DAB1: variants seen among roughly 807,000 people sequenced by gnomAD.
The protein encoded by DAB1 is DAB adaptor protein 1.
A neutral mutation model predicts 64.6 loss-of-function variants in DAB1; 15 were observed. The ratio of observed to expected loss-of-function variants is 0.23; its 90% CI spans 0.16 to 0.36. The LOEUF (loss-of-function observed/expected upper bound fraction) is 0.36. Ranked by LOEUF, DAB1 falls within the 10% of genes least tolerant of loss-of-function variation. DAB1 has a pLI of 1.00. For synonymous variants in DAB1, 235 were observed against 251.9 expected (o/e 0.93, Z 0.64); for missense variants, 596 against 706.7 (o/e 0.84, Z 1.78).
intron 4 of DAB1, among the ~76,000 whole-genome samples, chr1:57,086,221 G>C (rs1653058330): frequency 6.6e-6 from 1 of 152,122 alleles, no homozygotes; most frequent in African/African-American, 2.4e-5. Context: ...GCTGCAAATA[G>C]AGTCCTTCTT....
intron 5 of DAB1, among the ~76,000 whole-genome samples, chr1:58,040,117 T>G (rs1353447142): frequency 6.6e-6 from 1 of 152,222 alleles, no homozygotes; most frequent in African/African-American, 2.4e-5. Flanking sequence ...AAGGAATTAA[T>G]TTCCATTTTA....
intron 7 of DAB1, among the ~76,000 whole-genome samples, chr1:57,485,415 T>A (rs111789181): frequency 9.9e-5 from 15 of 152,282 alleles, no homozygotes; most frequent in African/African-American, 3.6e-4. Context: ...TATCAGAAGG[T>A]TATTTGGAGG....
intron 1 of DAB1, among the ~76,000 whole-genome samples, chr1:57,400,296 A>T (rs1281505902): frequency 6.6e-6 from 1 of 152,210 alleles, no homozygotes; most frequent in Non-Finnish European, 1.5e-5. Context: ...AAAGAAAAAA[A>T]AACCAAAAGG....
intron 7 of DAB1, among the ~76,000 whole-genome samples, chr1:57,464,428 ACTAC>A (rs1686888428): frequency 6.6e-6 from 1 of 152,054 alleles, no homozygotes; most frequent in Admixed American, 6.6e-5. Context: ...TTCCTACTAC[ACTAC>A]CTCTCACAGC....
At position 58,062,874 on chromosome 1, in the gene DAB1, G is replaced by T. The variant is rs547717118; in HGVS notation, n.387+87637C>A. ...GAAATGTCAAGAAAGCACACAATGAGACAATTGCATGTGAACATGGATGAC... is the reference window on the plus strand; with the variant it reads ...GAAATGTCAAGAAAGCACACAATGATACAATTGCATGTGAACATGGATGAC... On this transcript the variant is annotated intron_variant and non_coding_transcript_variant, in intron 5 of 20. Coordinates refer to the DAB1 transcript ENST00000485760. 2.6e-5 allele frequency among the ~76,000 whole-genome samples: 4 copies of T among 152,362 alleles called. No individual in the cohort carries two copies. The South Asian group carries it at 8.3e-4, about 32-fold the overall frequency.
intron 1 of DAB1, among the ~76,000 whole-genome samples, chr1:57,366,035 A>C (rs1174333277): frequency 6.6e-6 from 1 of 152,206 alleles, no homozygotes; most frequent in Non-Finnish European, 1.5e-5. Context: ...AGCTAGGACT[A>C]TGCAAATTGG....
At chr1:57,194,384 T>C (rs1664443089) in intron 2 of DAB1, among the ~76,000 whole-genome samples, 1 of 152,198 alleles carries the variant, frequency 6.6e-6, no homozygotes, top group South Asian at 2.1e-4. Flanking sequence ...AGAACAGCCC[T>C]TGGCACGTGG....
chr1:57,521,828 G>A (rs570795962), intron 7 of DAB1, among the ~76,000 whole-genome samples: 4 of 152,208 alleles, frequency 2.6e-5, no homozygotes, highest in Admixed American at 6.5e-5. Flanking sequence ...GAGCCCATTC[G>A]GCCGGGCGTG....
At position 58,440,351 on chromosome 1, in the gene DAB1, G is replaced by C. The variant is rs79712703; in HGVS notation, n.257+65709C>G. ...GCCTAGCTCATAGCTTAAAGGAACA[G>C]TTCAACGAGCAGGAGGGCCATATTA... On this transcript the variant is annotated intron_variant and non_coding_transcript_variant, in intron 3 of 20. Transcript: ENST00000485760. Among the ~76,000 whole-genome samples the C allele has an allele frequency of 1.5e-3, 229 of 152,334 alleles. 2 individuals carry two copies. The highest frequency in any genetic ancestry group is 5.4e-3 in the African/African-American group (224 of 41,570).
chr1:57,450,262 T>A (rs1686301192), intron 7 of DAB1, among the ~76,000 whole-genome samples: 1 of 152,200 alleles, frequency 6.6e-6, no homozygotes, highest in African/African-American at 2.4e-5. Context: ...CGAATAGAAT[T>A]CTTGATGGCA....
chr1:58,229,973 G>A (rs1423064856), intron 4 of DAB1, among the ~76,000 whole-genome samples: 1 of 152,116 alleles, frequency 6.6e-6, no homozygotes, highest in African/African-American at 2.4e-5. Context: ...TTTGCTCCCA[G>A]TCCAGTGCTC....
intron 9 of DAB1, among the ~76,000 whole-genome samples, chr1:57,036,373 C>A (rs1647151056): frequency 6.6e-6 from 1 of 152,110 alleles, no homozygotes; most frequent in African/African-American, 2.4e-5. Flanking sequence ...GTCTACCTTA[C>A]TGTTCTAACT....
chr1:58,087,531 G>C (rs977824269), intron 5 of DAB1, among the ~76,000 whole-genome samples: 1 of 152,142 alleles, frequency 6.6e-6, no homozygotes, highest in Admixed American at 6.5e-5. Context: ...CTCACTGAGT[G>C]CCATTCACAT....
At chr1:57,358,946 A>G (rs1021692949) in intron 1 of DAB1, among the ~76,000 whole-genome samples, 4 of 152,046 alleles carry the variant, frequency 2.6e-5, no homozygotes, top group African/African-American at 9.7e-5. Context: ...CACCATATAC[A>G]AAAATAAACA....
rs139314584 is a variant in DAB1 at position 57,709,072 on chromosome 1, T to C, written n.552-59407A>G. On this transcript the variant is annotated intron_variant and non_coding_transcript_variant, in intron 6 of 20. Coordinates refer to the DAB1 transcript ENST00000485760. ...AGTTTTGTTATTAATTCTTTGAATA[T>C]TTTTTATTCCAATTTTTTCTATTCT... 9.0e-4 allele frequency among the ~76,000 whole-genome samples: 137 copies of C among 152,296 alleles called. 2 individuals are homozygous for C. The East Asian group carries it at 0.021, about 24-fold the overall frequency.
intron 8 of DAB1, among the ~76,000 whole-genome samples, chr1:57,063,929 T>C (rs1162879672): frequency 6.6e-6 from 1 of 152,182 alleles, no homozygotes; most frequent in Non-Finnish European, 1.5e-5. Flanking sequence ...CACACCCCCA[T>C]TGCAGGACCC....
chr1:58,321,149 C>T (rs1286589842), intron 4 of DAB1, among the ~76,000 whole-genome samples: 1 of 152,236 alleles, frequency 6.6e-6, no homozygotes, highest in Non-Finnish European at 1.5e-5. Flanking sequence ...CCTCCATTAA[C>T]TATGGAGTCA....
intron 1 of DAB1, among the ~76,000 whole-genome samples, chr1:57,352,395 C>G (rs1428896421): frequency 6.6e-6 from 1 of 152,162 alleles, no homozygotes; most frequent in Non-Finnish European, 1.5e-5. Flanking sequence ...TAATCTAAAA[C>G]TACTTTTACC....
chr1:58,114,652 G>A (rs917737500), intron 5 of DAB1, among the ~76,000 whole-genome samples: 2 of 152,218 alleles, frequency 1.3e-5, no homozygotes, highest in African/African-American at 4.8e-5. Context: ...CTGCAACAGA[G>A]ACTATAAAGC....
Sources: gnomAD v4.1 joint callset for allele counts (sites outside exome capture counted in the v4.1 genomes callset) on GRCh38, gnomAD v4.1.1 for gene constraint, MANE v1.5 for transcripts, NCBI Gene and HGNC (gene_info 2026-07-23, HGNC 2026-07-21) for gene names.